Variants in STAC observed in about 807,000 individuals in gnomAD.
STAC encodes the protein SH3 and cysteine-rich domain-containing protein.
A neutral mutation model predicts 48.8 loss-of-function variants in STAC; 43 were observed. The ratio of observed to expected loss-of-function variants is 0.88; its 90% CI spans 0.69 to 1.14. The LOEUF (loss-of-function observed/expected upper bound fraction) is 1.14, where lower values mean the gene tolerates loss of function less well. STAC is among the 50% of genes most tolerant of loss of function. The pLI is 0.00. For missense variants in STAC, 497 were observed against 504.0 expected, an observed-to-expected ratio of 0.99 and a Z score of 0.13; for synonymous variants, 193 against 179.5, an observed-to-expected ratio of 1.07 and a Z score of -0.60.
chr3:36,381,878 A>AT (rs1466900236), intron 1 of STAC, among the ~76,000 whole-genome samples: 2 of 151,628 alleles, frequency 1.3e-5, no homozygotes, highest in Non-Finnish European at 2.9e-5. Context: ...ATTTATTTTT[A>AT]TTTTTTTCCT....
At chr3:36,499,353 G>C (rs1698228296) in intron 6 of STAC, among the ~76,000 whole-genome samples, 1 of 152,110 alleles carries the variant, frequency 6.6e-6, no homozygotes, top group South Asian at 2.1e-4. Context: ...GGCATTCAGA[G>C]ATTATGTATT....
At chr3:36,519,815 T>C (rs181008716) in intron 8 of STAC, among the ~76,000 whole-genome samples, 57 of 152,292 alleles carry the variant, frequency 3.7e-4, no homozygotes, top group African/African-American at 1.3e-3. Flanking sequence ...AAATGAGAAC[T>C]CAATATATCA....
intron 1 of STAC, among the ~76,000 whole-genome samples, chr3:36,411,779 G>A (rs1700200290): frequency 1.3e-5 from 2 of 152,176 alleles, no homozygotes; most frequent in South Asian, 4.1e-4. Context: ...TGGGTCACGA[G>A]CATGGCTTTT....
rs989230153 is a variant in STAC at position 36,422,201 on chromosome 3, T to C, written c.112-21163T>C. Among the ~76,000 whole-genome samples, 3 of 152,166 alleles carry C rather than the reference T, an allele frequency of 2.0e-5. No homozygotes were observed. The East Asian group carries it at 5.8e-4, about 29-fold the overall frequency. ...TGAGAAAAGTCTCCTATGATGACTT[T>C]AGTATTCATATGGATGTTTTAAGAG... On this transcript the variant is annotated intron_variant, in intron 1 of 10. Transcript: ENST00000273183.
At chr3:36,544,460 G>A (rs1476293211) in intron 10 of STAC, among the ~76,000 whole-genome samples, 1 of 152,042 alleles carries the variant, frequency 6.6e-6, no homozygotes, top group African/African-American at 2.4e-5. Flanking sequence ...ATGAGCCACC[G>A]CACCCGGCCA....
intron 2 of STAC, among the ~76,000 whole-genome samples, chr3:36,474,854 G>A (rs1433674412): frequency 6.6e-6 from 1 of 152,158 alleles, no homozygotes; most frequent in African/African-American, 2.4e-5. Context: ...CCAGGAAATT[G>A]CCTAATGGTG....
chr3:36,535,622 T>A (rs1271602234), intron 10 of STAC, among the ~76,000 whole-genome samples: 1 of 152,208 alleles, frequency 6.6e-6, no homozygotes, highest in Non-Finnish European at 1.5e-5. Context: ...AAATGGCTCT[T>A]ATTATTTTGA....
In STAC at chr3:36,497,482, T is replaced by C. The variant is rs530376767; in HGVS notation, c.766+4253T>C. Among the ~76,000 whole-genome samples, 5 of 152,334 alleles carry C rather than the reference T, an allele frequency of 3.3e-5. No homozygotes were observed. The South Asian group carries it at 8.3e-4, about 25-fold the overall frequency. ...ATACAAGCAGGTAAAGGATTTACTA[T>C]GCACATCCCTAGAGCCTTAGCTTGG... On this transcript the variant is annotated intron_variant, in intron 6 of 10. Transcript: ENST00000273183.
At chr3:36,518,736 T>G (rs1698733142) in intron 8 of STAC, among the ~76,000 whole-genome samples, 1 of 152,198 alleles carries the variant, frequency 6.6e-6, no homozygotes. Context: ...TGAATTCATC[T>G]CTTTGGGGTA....
intron 1 of STAC, among the ~76,000 whole-genome samples, chr3:36,441,537 A>T (rs1203969476): frequency 1.3e-5 from 2 of 152,182 alleles, no homozygotes; most frequent in Non-Finnish European, 2.9e-5. Flanking sequence ...GCTATTGTGA[A>T]TAGTGCTACA....
chr3:36,437,173 T>C (rs1700855608), intron 1 of STAC, among the ~76,000 whole-genome samples: 1 of 151,356 alleles, frequency 6.6e-6, no homozygotes, highest in Non-Finnish European at 1.5e-5. Flanking sequence ...TTTACACTGT[T>C]GGTGGGACTG....
At chr3:36,398,595 A>G (rs571123952) in intron 1 of STAC, among the ~76,000 whole-genome samples, 1 of 87,868 alleles carries the variant, frequency 1.1e-5, no homozygotes, top group African/African-American at 6.0e-5. Context: ...GAAGGAAGGA[A>G]GGAAGAAAGG....
chr3:36,457,952 T>C (rs1291557857), intron 2 of STAC, among the ~76,000 whole-genome samples: 1 of 152,130 alleles, frequency 6.6e-6, no homozygotes, highest in Non-Finnish European at 1.5e-5. Flanking sequence ...GTTTTTCCAC[T>C]AGTAGTCAGG....
At chr3:36,439,655 G>A (rs1696275716) in intron 1 of STAC, among the ~76,000 whole-genome samples, 1 of 152,068 alleles carries the variant, frequency 6.6e-6, no homozygotes, top group African/African-American at 2.4e-5. Flanking sequence ...TCCTGTGTAA[G>A]CCTCCCTTCC....
intron 8 of STAC, 68 bp from the exon 9 acceptor site, chr3:36,528,628 T>A: frequency 7.9e-7 from 1 of 1,268,178 alleles, no homozygotes; most frequent in South Asian, 1.5e-5. Flanking sequence ...AAATGATTAC[T>A]CCTGACTTTA....
At chr3:36,411,005 C>T (rs181139586) in intron 1 of STAC, among the ~76,000 whole-genome samples, 2 of 152,264 alleles carry the variant, frequency 1.3e-5, no homozygotes, top group Admixed American at 1.3e-4. Flanking sequence ...AATATCTATC[C>T]CCTTCATGTA....
chr3:36,444,419 T>C (rs746986253), intron 2 of STAC, among the ~76,000 whole-genome samples: 1 of 152,254 alleles, frequency 6.6e-6, no homozygotes, highest in Admixed American at 6.5e-5. Flanking sequence ...GAGATTTGGC[T>C]GATCCAGACT....
Position 36,450,547 on chromosome 3 carries a change from C to T in STAC, c.388+6907C>T, listed in dbSNP as rs545431663. On this transcript the variant is annotated intron_variant, in intron 2 of 10. Coordinates refer to ENST00000273183, the MANE Select transcript of STAC (RefSeq NM_003149.3). ...ATACCCAAATAAAATGGCATCCTAT[C>T]CAGAGTCTCGCTCTGTCACCCAGGC... Among the ~76,000 whole-genome samples, 371 of 152,278 alleles carry T rather than the reference C, an allele frequency of 2.4e-3. 2 individuals are homozygous for T. The highest frequency in any genetic ancestry group is 7.3e-3 in the South Asian group (35 of 4,818).
At chr3:36,453,877 G>A (rs1696768560) in intron 2 of STAC, among the ~76,000 whole-genome samples, 1 of 152,222 alleles carries the variant, frequency 6.6e-6, no homozygotes, top group African/African-American at 2.4e-5. Flanking sequence ...TCAGCATCCT[G>A]TGTCTAGCTC....
Sources: gnomAD v4.1 joint callset for allele counts (sites outside exome capture counted in the v4.1 genomes callset) on GRCh38, gnomAD v4.1.1 for gene constraint, MANE v1.5 for transcripts, NCBI Gene and HGNC (gene_info 2026-07-23, HGNC 2026-07-21) for gene names.